Variants in FOXN3 observed in about 807,000 individuals in gnomAD.
FOXN3 encodes the protein forkhead box N3.
In FOXN3, 7 loss-of-function variants were observed where a neutral mutation model predicts 38.4. The observed-to-expected ratio is 0.18, with a 90% CI of 0.10 to 0.34. The LOEUF is 0.34. Ranked by LOEUF, FOXN3 falls within the 10% of genes least tolerant of loss-of-function variation. The pLI, the probability that FOXN3 is intolerant of heterozygous loss-of-function variation, is 1.00. For missense variants in FOXN3, 456 were observed against 613.4 expected (o/e 0.74, Z 2.71); for synonymous variants, 230 against 242.2 (o/e 0.95, Z 0.47).
Position 89,412,096 on chromosome 14 carries a change from G to A in FOXN3, c.381C>T (p.Ile127=), listed in dbSNP as rs774461358. The A allele has an allele frequency of 6.8e-6, 11 of 1,612,878 alleles. No homozygotes were observed. Among genetic ancestry groups the A allele is most frequent in the Non-Finnish European group, 8.5e-6 (10 of 1,179,554 alleles). Residue 127 remains isoleucine, a synonymous_variant, in exon 2 of 6, where the codon ATC becomes ATT. Coordinates refer to ENST00000557258, the MANE Select transcript of FOXN3 (RefSeq NM_005197.4). This position sits in a 1 kb window ranked among gnomAD's most constrained non-coding sequence, Gnocchi z 4.7. ...YSFSCLIFMA[I]EDSPTKRLPV... is the part of the protein sequence containing the mutation. ...GCAGGCGCTTGGTTGGAGAGTCCTC[G>A]ATGGCCATAAATATGAGGCAGCTGA...
At chr14:89,476,254 GC>G (rs1893206836) in intron 1 of FOXN3, among the ~76,000 whole-genome samples, 1 of 152,078 alleles carries the variant, frequency 6.6e-6, no homozygotes, top group Non-Finnish European at 1.5e-5. Flanking sequence ...CTTTCCAAAA[GC>G]CTCTCCCCTC....
At chr14:89,218,724 G>T (rs923183979) in intron 4 of FOXN3, among the ~76,000 whole-genome samples, 2 of 152,106 alleles carry the variant, frequency 1.3e-5, no homozygotes, top group African/African-American at 2.4e-5. Context: ...CCTTGCACAC[G>T]TCTGGCTGTG....
At chr14:89,476,239 A>T (rs1196445573) in intron 1 of FOXN3, among the ~76,000 whole-genome samples, 1 of 152,114 alleles carries the variant, frequency 6.6e-6, no homozygotes, top group Non-Finnish European at 1.5e-5. Flanking sequence ...GGGTGAGATA[A>T]TGCCCTTTCC....
At chr14:89,528,049 T>C (rs1336939114) in intron 1 of FOXN3, among the ~76,000 whole-genome samples, 1 of 152,182 alleles carries the variant, frequency 6.6e-6, no homozygotes, top group African/African-American at 2.4e-5. Context: ...ACTGGAACTC[T>C]CATACCCTGC....
intron 2 of FOXN3, among the ~76,000 whole-genome samples, chr14:89,359,617 G>A (rs1451166577): frequency 6.6e-6 from 1 of 152,190 alleles, no homozygotes; most frequent in Non-Finnish European, 1.5e-5. Context: ...GAAGGACATG[G>A]GACTTTGAGA....
chr14:89,426,290 C>A (rs1022657403), intron 1 of FOXN3, among the ~76,000 whole-genome samples: 1 of 137,044 alleles, frequency 7.3e-6, no homozygotes, highest in Admixed American at 8.5e-5. Context: ...AGTGGCATGA[C>A]CTCAGCTCAT....
At chr14:89,483,530 T>C (rs1434629003) in intron 1 of FOXN3, among the ~76,000 whole-genome samples, 1 of 152,184 alleles carries the variant, frequency 6.6e-6, no homozygotes, top group Non-Finnish European at 1.5e-5. Flanking sequence ...TGCCTCAGCC[T>C]CCCAAGTTGC....
At chr14:89,617,886 T>C (rs1478318021) in intron 1 of FOXN3, among the ~76,000 whole-genome samples, 1 of 152,172 alleles carries the variant, frequency 6.6e-6, no homozygotes, top group Non-Finnish European at 1.5e-5. Flanking sequence ...TTTTCATAAG[T>C]CTCAATCTAA....
chr14:89,556,318 G>A (rs1390287905), intron 1 of FOXN3, among the ~76,000 whole-genome samples: 3 of 151,468 alleles, frequency 2.0e-5, no homozygotes, highest in Non-Finnish European at 4.4e-5. Context: ...TAGGAGAATC[G>A]CTTGAACCCA....
chr14:89,241,163 G>A (rs141016661), intron 4 of FOXN3, among the ~76,000 whole-genome samples: 10 of 152,278 alleles, frequency 6.6e-5, no homozygotes, highest in Middle Eastern at 3.4e-3. Flanking sequence ...GTGACACAAC[G>A]GCATTGCTCT....
chr14:89,600,800 T>TC (rs1249887089), intron 1 of FOXN3, among the ~76,000 whole-genome samples: 6 of 152,176 alleles, frequency 3.9e-5, no homozygotes, highest in Non-Finnish European at 8.8e-5. Context: ...TTTTGGAAAC[T>TC]CCTTCAAGCA....
rs947684743 is a variant in FOXN3 at position 89,159,368 on chromosome 14, A to G, written c.*3046T>C. ...AAGTACCCTCACTAAAGGTTCCCCG[A>G]CAAGTCTTCCGGCAGATCCAACGAA... On this transcript the variant is annotated 3_prime_UTR_variant, in exon 6 of 6. Coordinates refer to ENST00000557258, the MANE Select transcript of FOXN3 (RefSeq NM_005197.4). 2 of 152,690 alleles carry G rather than the reference A, an allele frequency of 1.3e-5. No individual in the cohort carries two copies. The highest frequency in any genetic ancestry group is 4.8e-5 in the African/African-American group (2 of 41,462). 9.5% of individuals were successfully genotyped at this position (152,690 alleles called of 1,614,324 possible). A position where few individuals can be genotyped will look rare whatever the true frequency, so the allele number is the denominator to read the frequency against.
chr14:89,391,627 A>G (rs1890949308), intron 2 of FOXN3, among the ~76,000 whole-genome samples: 1 of 152,208 alleles, frequency 6.6e-6, no homozygotes, highest in African/African-American at 2.4e-5. Context: ...CACCAAGTGC[A>G]TGAAAAATAA....
intron 3 of FOXN3, among the ~76,000 whole-genome samples, chr14:89,287,867 G>A (rs12893166): frequency 0.86 from 129,860 of 151,438 alleles, 56,399 homozygotes; most frequent in East Asian, 0.98. Flanking sequence ...CCTGGGAAAC[G>A]TTAAAAATAA....
chr14:89,566,055 T>A (rs1895342645), intron 1 of FOXN3, among the ~76,000 whole-genome samples: 1 of 152,260 alleles, frequency 6.6e-6, no homozygotes, highest in African/African-American at 2.4e-5. Context: ...GAATATCACT[T>A]ACTTTTCATC....
rs138901609 is a variant in FOXN3, at chr14:89,489,307, T to C, written c.-14-76817A>G. ...GAAAATTATAAAGTGCCATACTATA[T>C]AGAGGTATAGAATTATCCTCCTCAT... On this transcript the variant is annotated intron_variant, in intron 1 of 6. Coordinates refer to the FOXN3 transcript ENST00000345097. 4.7e-3 allele frequency among the ~76,000 whole-genome samples: 709 copies of C among 152,346 alleles called. 7 individuals carry two copies. Among genetic ancestry groups the C allele is most frequent in the African/African-American group, 0.016 (654 of 41,574 alleles).
intron 1 of FOXN3, among the ~76,000 whole-genome samples, chr14:89,519,445 G>A (rs978673552): frequency 2.6e-5 from 4 of 152,174 alleles, no homozygotes; most frequent in Non-Finnish European, 4.4e-5. Context: ...TTATGTACGC[G>A]TCAGAAGAGC....
intron 4 of FOXN3, among the ~76,000 whole-genome samples, chr14:89,189,506 T>C (rs1887891596): frequency 6.6e-6 from 1 of 152,224 alleles, no homozygotes; most frequent in Non-Finnish European, 1.5e-5. Flanking sequence ...AACACAGCAA[T>C]GTCCTAACAA....
intron 3 of FOXN3, among the ~76,000 whole-genome samples, chr14:89,335,606 T>TA (rs1210193789): frequency 1.3e-5 from 2 of 152,258 alleles, no homozygotes; most frequent in Non-Finnish European, 2.9e-5. Context: ...GCTTGTTCCT[T>TA]AACAAAATAA....
Sources: allele counts gnomAD v4.1 joint callset (sites outside exome capture counted in the v4.1 genomes callset), GRCh38; gene constraint gnomAD v4.1.1; non-coding constraint Gnocchi (gnomAD v3.1); transcripts MANE v1.5; gene names NCBI Gene and HGNC (gene_info 2026-07-23, HGNC 2026-07-21).